PPP1R12B: variants seen among roughly 807,000 people sequenced by gnomAD.
The protein encoded by PPP1R12B is protein phosphatase 1 regulatory subunit 12B, also known as myosin phosphatase target subunit 2.
In PPP1R12B, 76 loss-of-function variants were observed where a neutral mutation model predicts 126.1. The observed-to-expected ratio is 0.60, with a 90% CI of 0.50 to 0.73. PPP1R12B has a LOEUF of 0.73. Ranked by LOEUF, PPP1R12B falls within the 30% of genes least tolerant of loss-of-function variation. The pLI, the probability that PPP1R12B is intolerant of heterozygous loss-of-function variation, is 0.00. For missense variants in PPP1R12B, 1,052 were observed against 1,205.1 expected (o/e 0.87, Z 1.88); for synonymous variants, 356 against 434.7 (o/e 0.82, Z 2.25).
chr1:202,416,728 G>A (rs1166811115), intron 1 of PPP1R12B, 59 bp from the exon 2 acceptor site: 90 of 1,517,232 alleles, frequency 5.9e-5, no homozygotes, highest in Non-Finnish European at 8.2e-5. Context: ...AGCAGTGTCT[G>A]GCACATAGTG....
Position 202,569,264 on chromosome 1 carries a change from A to C in PPP1R12B, c.2862+67A>C. ...AATGCCTGCCAAGACTGGATATTTG[A>C]GCATAGGCCTGCCCCCTCCAGATTT... On this transcript the variant is annotated intron_variant, in intron 23 of 23. Transcript: ENST00000608999. 2.0e-6 allele frequency: 3 copies of C among 1,485,048 alleles called. No homozygotes were observed. In the South Asian group the frequency reaches 3.4e-5, roughly 17 times the overall value. 92.0% of individuals were successfully genotyped at this position (1,485,048 alleles called of 1,614,324 possible).
chr1:202,483,662 G>A (rs1677703396), intron 13 of PPP1R12B, among the ~76,000 whole-genome samples: 1 of 152,018 alleles, frequency 6.6e-6, no homozygotes, highest in African/African-American at 2.4e-5. Flanking sequence ...GAATAAGAGA[G>A]CTGAATATAC....
At chr1:202,449,214 G>A (rs1369031071) in intron 13 of PPP1R12B, 43 bp downstream of exon 13, 3 of 1,553,830 alleles carry the variant, frequency 1.9e-6, no homozygotes, top group Non-Finnish European at 2.6e-6. Flanking sequence ...TCTGCTTTGA[G>A]GTAGACGATA....
chr1:202,371,181 ATTTTTTT>A (rs1214666307), intron 1 of PPP1R12B, among the ~76,000 whole-genome samples: 1 of 110,714 alleles, frequency 9.0e-6, no homozygotes, highest in Admixed American at 9.6e-5. Flanking sequence ...ACACCCAGCT[ATTTTTTT>A]TTTTTTTTTT....
At chr1:202,504,846 G>T (rs1319968687) in intron 18 of PPP1R12B, among the ~76,000 whole-genome samples, 1 of 152,156 alleles carries the variant, frequency 6.6e-6, no homozygotes, top group African/African-American at 2.4e-5. Context: ...GTAAAGTAGG[G>T]ATAATAATAG....
intron 14 of PPP1R12B, among the ~76,000 whole-genome samples, chr1:202,491,166 G>T (rs920120861): frequency 6.6e-6 from 1 of 151,942 alleles, no homozygotes; most frequent in Admixed American, 6.6e-5. Flanking sequence ...CTCTTGTCAC[G>T]CAGGCCGGGG....
chr1:202,391,321 G>A (rs528998953), intron 1 of PPP1R12B, among the ~76,000 whole-genome samples: 21 of 152,092 alleles, frequency 1.4e-4, no homozygotes, highest in African/African-American at 1.7e-4. Context: ...AATGAAAACC[G>A]TAATGAGATA....
At chr1:202,555,324 T>TAAAAAAAAAAAAA (rs1686776254) in intron 18 of PPP1R12B, among the ~76,000 whole-genome samples, 1 of 5,008 alleles carries the variant, frequency 2.0e-4, no homozygotes, top group African/African-American at 5.2e-4. Context: ...CCTGTTTTAA[T>TAAAAAAAAAAAAA]GAAAAAAAAA....
intron 1 of PPP1R12B, 93 bp downstream of exon 1, chr1:202,349,235 C>T (rs894000232): frequency 6.9e-7 from 1 of 1,443,250 alleles, no homozygotes. Flanking sequence ...AGTGTTGCCG[C>T]CGACTCCTTC....
Position 202,580,527 on chromosome 1 carries a change from C to T in PPP1R12B, c.2916C>T (p.Ala972=). 1 of 1,613,990 alleles carries T rather than the reference C, an allele frequency of 6.2e-7. No individual in the cohort carries two copies. The highest frequency in any genetic ancestry group is 1.1e-5 in the South Asian group (1 of 91,068). The change falls in exon 24 of 24, where the codon GCC becomes GCT. Residue 972 remains alanine (A), a synonymous_variant. Transcript: ENST00000608999. ...AGAGGCTGAAAGATGAAAATGGTGC[C>T]CTCATCAGAGTCATCAGCAAACTGT... ...DNQRLKDENG[A]LIRVISKLSK
chr1:202,370,382 C>A (rs1185777447), intron 1 of PPP1R12B, among the ~76,000 whole-genome samples: 1 of 151,768 alleles, frequency 6.6e-6, no homozygotes, highest in Non-Finnish European at 1.5e-5. Context: ...TTAGTTTATT[C>A]TTCTGATTAT....
intron 1 of PPP1R12B, among the ~76,000 whole-genome samples, chr1:202,411,356 A>G (rs1041549035): frequency 2.0e-5 from 3 of 151,730 alleles, no homozygotes; most frequent in African/African-American, 4.8e-5. Context: ...GGTCTTACCT[A>G]CAAGAATGAT....
intron 13 of PPP1R12B, among the ~76,000 whole-genome samples, chr1:202,473,136 G>A (rs531781020): frequency 7.2e-5 from 11 of 152,278 alleles, no homozygotes; most frequent in Admixed American, 5.2e-4. Flanking sequence ...GCTTTGATTC[G>A]TTGCTTAAAC....
At chr1:202,547,488 G>A (rs560519565) in intron 18 of PPP1R12B, among the ~76,000 whole-genome samples, 2 of 152,282 alleles carry the variant, frequency 1.3e-5, no homozygotes, top group South Asian at 4.1e-4. Flanking sequence ...CTGAAAGTGT[G>A]TCTGGACTTT....
intron 23 of PPP1R12B, chr1:202,576,643 C>T (rs1046553164): frequency 2.0e-5 from 3 of 152,166 alleles, no homozygotes; most frequent in African/African-American, 7.2e-5. Flanking sequence ...AGGGACCCCC[C>T]AAAAGGTGTC....
At chr1:202,380,267 C>T (rs1378133514) in intron 1 of PPP1R12B, among the ~76,000 whole-genome samples, 1 of 152,104 alleles carries the variant, frequency 6.6e-6, no homozygotes, top group Non-Finnish European at 1.5e-5. Flanking sequence ...TCTCATGATA[C>T]GTTGTTGCTG....
At chr1:202,377,462 C>T (rs1661380662) in intron 1 of PPP1R12B, among the ~76,000 whole-genome samples, 1 of 151,900 alleles carries the variant, frequency 6.6e-6, no homozygotes, top group Non-Finnish European at 1.5e-5. Context: ...GCCACCACGC[C>T]CGGCTAATTT....
chr1:202,521,960 T>C (rs1437832768), intron 18 of PPP1R12B, among the ~76,000 whole-genome samples: 1 of 152,118 alleles, frequency 6.6e-6, no homozygotes, highest in Non-Finnish European at 1.5e-5. Context: ...TGAATACAAG[T>C]ATAAGAAAAA....
At chr1:202,478,732 A>T (rs1676991472) in intron 13 of PPP1R12B, among the ~76,000 whole-genome samples, 1 of 152,112 alleles carries the variant, frequency 6.6e-6, no homozygotes, top group South Asian at 2.1e-4. Flanking sequence ...TTTTGTTTTC[A>T]TATTTTTGTC....
Sources: gnomAD v4.1 joint callset for allele counts (sites outside exome capture counted in the v4.1 genomes callset) on GRCh38, gnomAD v4.1.1 for gene constraint, MANE v1.5 for transcripts, NCBI Gene and HGNC (gene_info 2026-07-23, HGNC 2026-07-21) for gene names.